Variants in PPP2R2C observed in about 807,000 individuals in gnomAD.
The protein encoded by PPP2R2C is protein phosphatase 2 regulatory subunit Bgamma.
PPP2R2C carries 10 observed loss-of-function variants against 45.3 expected under a neutral mutation model. The ratio of observed to expected loss-of-function variants is 0.22; its 90% CI spans 0.14 to 0.37. PPP2R2C has a LOEUF of 0.37. Ranked by LOEUF, PPP2R2C falls within the 10% of genes least tolerant of loss-of-function variation. The pLI, the probability that PPP2R2C is intolerant of heterozygous loss-of-function variation, is 1.00. For synonymous variants in PPP2R2C, 257 were observed against 245.4 expected (o/e 1.05, Z -0.44); for missense variants, 308 against 619.7 (o/e 0.50, Z 5.34).
chr4:6,391,985 A>G (rs1371834322), intron 1 of PPP2R2C, among the ~76,000 whole-genome samples: 1 of 152,236 alleles, frequency 6.6e-6, no homozygotes, highest in Non-Finnish European at 1.5e-5. Context: ...CTGGCTCATC[A>G]CCTAGCTTGT....
intron 1 of PPP2R2C, among the ~76,000 whole-genome samples, chr4:6,462,582 C>A (rs1033246896): frequency 2.6e-5 from 4 of 152,208 alleles, no homozygotes; most frequent in African/African-American, 9.6e-5. Flanking sequence ...GACAGAACAG[C>A]CAAACGCAGG....
At chr4:6,432,449 C>G (rs970960927) in intron 1 of PPP2R2C, among the ~76,000 whole-genome samples, 1 of 152,224 alleles carries the variant, frequency 6.6e-6, no homozygotes. Context: ...CGCCTGCTGC[C>G]TCGTTTCCCC....
intron 6 of PPP2R2C, among the ~76,000 whole-genome samples, chr4:6,346,490 G>A (rs979153099): frequency 6.6e-6 from 1 of 152,146 alleles, no homozygotes; most frequent in Non-Finnish European, 1.5e-5. Context: ...TGCTCACCAT[G>A]CCCTGACATG....
At chr4:6,352,353 G>A (rs1041079161) in intron 5 of PPP2R2C, among the ~76,000 whole-genome samples, 9 of 152,026 alleles carry the variant, frequency 5.9e-5, no homozygotes, top group South Asian at 4.2e-4. Context: ...AGGACTAACC[G>A]CAGGTGGCCC....
rs951884517 is a variant in PPP2R2C, at chr4:6,421,001, T to C, written c.71-39907A>G. ...AGCTTGGGCAGCTGGTTCTCCTCGA[T>C]GTGCCTGAGGAGGGCTTCGTGGAGG... On this transcript the variant is annotated intron_variant, in intron 1 of 8. Coordinates refer to ENST00000382599, the MANE Select transcript of PPP2R2C (RefSeq NM_020416.4). 8 of 985,134 alleles carry C rather than the reference T, an allele frequency of 8.1e-6. No individual in the cohort carries two copies. The African/African-American group carries it at 1.2e-4, about 15-fold the overall frequency. 61.0% of individuals were successfully genotyped at this position (985,134 alleles called of 1,614,324 possible). A position where few individuals can be genotyped will look rare whatever the true frequency, so the allele number is the denominator to read the frequency against.
intron 2 of PPP2R2C, among the ~76,000 whole-genome samples, chr4:6,507,685 T>C (rs10937739): frequency 0.45 from 68,959 of 152,128 alleles, 16,743 homozygotes; most frequent in East Asian, 0.78. Flanking sequence ...TCACAAACTC[T>C]TGAGCAAATC....
chr4:6,526,532 G>A (rs924955176), intron 2 of PPP2R2C, among the ~76,000 whole-genome samples: 1 of 152,220 alleles, frequency 6.6e-6, no homozygotes. Context: ...CTCTAAAATG[G>A]TTAAATTGGT....
rs3924326 is a variant in PPP2R2C, at chr4:6,495,353, A to G, written c.49+39918T>C. On this transcript the variant is annotated intron_variant, in intron 2 of 9. Transcript: ENST00000506140. ...AGCAGCTGGGGCAGGCCTGGGGCCC[A>G]TGCAGACCAGCACCCACGAAAACAG... Among the ~76,000 whole-genome samples the G allele has an allele frequency of 4.5e-4, 69 of 152,358 alleles. No homozygotes were observed. The South Asian group carries it at 5.4e-3, about 12-fold the overall frequency.
chr4:6,382,597 C>A, intron 1 of PPP2R2C: 2 of 1,172,826 alleles, frequency 1.7e-6, no homozygotes, highest in African/African-American at 1.6e-5. Context: ...TTCACTTGCT[C>A]AGGCCCAAGC....
In PPP2R2C at chr4:6,345,189, C is replaced by A. The variant is rs529085736; in HGVS notation, c.790+2657G>T. 6.6e-6 allele frequency among the ~76,000 whole-genome samples: 1 copy of A among 152,182 alleles called. No individual in the cohort carries two copies. The highest frequency in any genetic ancestry group is 1.5e-5 in the Non-Finnish European group (1 of 68,038). On this transcript the variant is annotated intron_variant, in intron 6 of 8. Transcript: ENST00000382599. This position sits in a 1 kb window ranked among gnomAD's most constrained non-coding sequence, Gnocchi z 5.3. ...GGCTCACACGGGGTCAGCAGCGGAC[C>A]AGGAGCAGGAAGAACCCCCTCTCTT...
upstream of PPP2R2C, among the ~76,000 whole-genome samples, chr4:6,473,062 G>GT (rs1722000462): frequency 6.6e-6 from 1 of 152,126 alleles, no homozygotes; most frequent in African/African-American, 2.4e-5. Flanking sequence ...GGTCGCGCAA[G>GT]TTCTGGGGCC....
At chr4:6,425,488 T>A (rs181827126) in intron 1 of PPP2R2C, among the ~76,000 whole-genome samples, 61 of 152,222 alleles carry the variant, frequency 4.0e-4, no homozygotes, top group African/African-American at 1.3e-3. Context: ...TCTGGGGGTG[T>A]CCCCACCAGC....
intron 1 of PPP2R2C, among the ~76,000 whole-genome samples, chr4:6,436,798 C>A (rs1719919625): frequency 6.6e-6 from 1 of 152,178 alleles, no homozygotes; most frequent in Non-Finnish European, 1.5e-5. Context: ...GGTGTGACTG[C>A]ATCTTCATTT....
At chr4:6,558,275 G>T (rs1456206121) in intron 1 of PPP2R2C, among the ~76,000 whole-genome samples, 1 of 152,228 alleles carries the variant, frequency 6.6e-6, no homozygotes, top group African/African-American at 2.4e-5. Flanking sequence ...TGCCATCTGT[G>T]ACCTGGGGTG....
At chr4:6,451,994 C>G (rs1238530265) in intron 1 of PPP2R2C, among the ~76,000 whole-genome samples, 3 of 152,138 alleles carry the variant, frequency 2.0e-5, no homozygotes, top group Non-Finnish European at 4.4e-5. Flanking sequence ...GCAGTGTGGA[C>G]CGAGCTGCAG....
intron 1 of PPP2R2C, 30 bp downstream of exon 1, chr4:6,472,130 C>A (rs1307408088): frequency 1.4e-5 from 23 of 1,612,896 alleles, no homozygotes; most frequent in Non-Finnish European, 2.0e-5. Context: ...CGCGGCCGGC[C>A]GGAGGGGTCT....
intron 2 of PPP2R2C, among the ~76,000 whole-genome samples, chr4:6,510,980 C>CAACAAAAAA (rs1553905389): frequency 2.4e-5 from 1 of 41,392 alleles, no homozygotes; most frequent in Non-Finnish European, 9.7e-5. Context: ...CCGTCTCAAA[C>CAACAAAAAA]AAAAAAAAAC....
At chr4:6,524,994 A>C (rs887468971) in intron 2 of PPP2R2C, among the ~76,000 whole-genome samples, 5 of 152,056 alleles carry the variant, frequency 3.3e-5, no homozygotes, top group Admixed American at 3.3e-4. Flanking sequence ...GCTGAGGCAG[A>C]AGGATCACTT....
At chr4:6,402,590 G>T (rs919777174) in intron 1 of PPP2R2C, among the ~76,000 whole-genome samples, 2 of 152,212 alleles carry the variant, frequency 1.3e-5, no homozygotes, top group Non-Finnish European at 2.9e-5. Flanking sequence ...GCCAGGAGTA[G>T]GTGGGACATG....
Sources: gnomAD v4.1 joint callset for allele counts (sites outside exome capture counted in the v4.1 genomes callset) on GRCh38, gnomAD v4.1.1 for gene constraint, Gnocchi (gnomAD v3.1) non-coding constraint, MANE v1.5 for transcripts, NCBI Gene and HGNC (gene_info 2026-07-23, HGNC 2026-07-21) for gene names.